The following SUN1 variants were observed in gnomAD, a reference collection of about 807,000 sequenced individuals.
SUN1 encodes SUN domain-containing protein 1.
In SUN1, 61 loss-of-function variants were observed where a neutral mutation model predicts 103.2. The observed-to-expected ratio is 0.59, with a 90% CI of 0.48 to 0.73. The LOEUF (loss-of-function observed/expected upper bound fraction) is 0.73. SUN1 is among the 30% of genes least tolerant of loss of function. The pLI, the probability that SUN1 is intolerant of heterozygous loss-of-function variation, is 0.00. For synonymous variants in SUN1, 490 were observed against 425.7 expected (o/e 1.15, Z -1.86); for missense variants, 1,052 against 1,034.6 (o/e 1.02, Z -0.23).
At chr7:854,042 T>C (rs1381141127) in intron 10 of SUN1, among the ~76,000 whole-genome samples, 1 of 152,102 alleles carries the variant, frequency 6.6e-6, no homozygotes, top group African/African-American at 2.4e-5. Context: ...CCTGAGATGC[T>C]CCCACCCACT....
chr7:874,009 C>G lies in SUN1; in HGVS notation c.*678C>G, dbSNP rs1022259899. The stretch of plus-strand genomic sequence containing the variant: ...CTGAAGTCAGTCTGACTTGAAGGGG[C>G]CTGGTTTGGATCTAAGCAAACACCC... On this transcript the variant is annotated 3_prime_UTR_variant, in exon 19 of 19. Transcript: ENST00000401592. 1.3e-5 allele frequency: 2 copies of G among 152,194 alleles called. No homozygotes were observed. Among genetic ancestry groups the G allele is most frequent in the African/African-American group, 4.8e-5 (2 of 41,442 alleles). The allele number at this position is 152,194 out of a possible 1,614,324, so 9.4% of individuals were successfully genotyped here. A position where few individuals can be genotyped will look rare whatever the true frequency, so the allele number is the denominator to read the frequency against.
upstream of SUN1, among the ~76,000 whole-genome samples, chr7:828,383 T>C (rs1012034829): frequency 6.6e-6 from 1 of 152,034 alleles, no homozygotes; most frequent in African/African-American, 2.4e-5. Context: ...TCAGTTCTCC[T>C]GCCTCAGCCT....
intron 1 of SUN1, among the ~76,000 whole-genome samples, chr7:818,958 G>T (rs1435224691): frequency 6.6e-6 from 1 of 151,580 alleles, no homozygotes; most frequent in East Asian, 1.9e-4. Flanking sequence ...CCGCCTCCCG[G>T]GCTCAAGCGA....
intron 2 of SUN1, 21 bp from the exon 3 acceptor site, chr7:841,925 G>A (rs1244906755): frequency 1.2e-6 from 2 of 1,611,724 alleles, no homozygotes; most frequent in African/African-American, 2.7e-5. Context: ...CTATAAACTT[G>A]CTGTTTTTTT....
intron 12 of SUN1, among the ~76,000 whole-genome samples, chr7:857,136 C>G (rs898156132): frequency 3.3e-5 from 5 of 152,230 alleles, no homozygotes; most frequent in Middle Eastern, 3.4e-3. Flanking sequence ...GCACGCAGCT[C>G]GTATTCCCCA....
At chr7:838,139 A>C (rs1161048350) in intron 1 of SUN1, among the ~76,000 whole-genome samples, 1 of 152,174 alleles carries the variant, frequency 6.6e-6, no homozygotes, top group African/African-American at 2.4e-5. Context: ...TGCAGCCTCA[A>C]ACTCCCAGGC....
At position 843,133 on chromosome 7, in the gene SUN1, A is replaced by G. The variant is rs1052259351; in HGVS notation, c.452-73A>G. ...ACCATTGTAACCTTTACATTTTTTA[A>G]TGGGTTTTGTTCTTATTTGATAAGC... On this transcript the variant is annotated intron_variant, in intron 3 of 18. Coordinates refer to ENST00000401592, the MANE Select transcript of SUN1 (RefSeq NM_001130965.3). The G allele has an allele frequency of 3.8e-6, 6 of 1,583,450 alleles. No individual in the cohort carries two copies. In the African/African-American group the frequency reaches 6.9e-5, roughly 18 times the overall value.
intron 11 of SUN1, 146 bp downstream of exon 11, chr7:855,152 C>CT: frequency 1.5e-6 from 1 of 659,738 alleles, no homozygotes; most frequent in Non-Finnish European, 2.5e-6. Flanking sequence ...CACTTGTTCT[C>CT]TGGTGTGGCA....
At chr7:817,852 A>G (rs1782280420) in intron 1 of SUN1, among the ~76,000 whole-genome samples, 3 of 151,938 alleles carry the variant, frequency 2.0e-5, no homozygotes, top group Admixed American at 6.6e-5. Flanking sequence ...TGGAAATACT[A>G]CTGTTTGGGC....
chr7:838,627 C>G (rs1330712698), intron 1 of SUN1, among the ~76,000 whole-genome samples, 171 bp from the exon 2 acceptor site: 1 of 152,210 alleles, frequency 6.6e-6, no homozygotes, highest in Admixed American at 6.5e-5. Flanking sequence ...GGAGCCCATG[C>G]TGGCTGACCT....
chr7:836,759 C>T (rs1473750058), intron 1 of SUN1, among the ~76,000 whole-genome samples: 1 of 152,170 alleles, frequency 6.6e-6, no homozygotes, highest in Non-Finnish European at 1.5e-5. Flanking sequence ...AATGTTGGAG[C>T]AAATATCTGA....
chr7:857,831 G>T lies in SUN1; in HGVS notation c.1398G>T (p.Ala466=). 6.3e-7 allele frequency: 1 copy of T among 1,578,944 alleles called. No homozygotes were observed. Among genetic ancestry groups the T allele is most frequent in the African/African-American group, 1.4e-5 (1 of 74,056 alleles). The change falls in exon 13 of 19, where the codon GCG becomes GCT. Residue 466 remains alanine (A), a synonymous_variant. Coordinates refer to ENST00000401592, the MANE Select transcript of SUN1 (RefSeq NM_001130965.3). ...LEQTKQKTIS[A]VGEQLLPTVE... ...CATTCTCACTGTTGGATTCCAGTGC[G>T]GTTGGTGAGCAGCTCCTGCCCACAG...
At chr7:830,432 A>T (rs1796881841), upstream of SUN1, among the ~76,000 whole-genome samples, 1 of 152,344 alleles carries the variant, frequency 6.6e-6, no homozygotes, top group South Asian at 2.1e-4. Context: ...CCTCGTTTCA[A>T]AGTGTTAGGA....
upstream of SUN1, among the ~76,000 whole-genome samples, chr7:829,564 T>G (rs1326513214): frequency 2.6e-5 from 4 of 151,458 alleles, no homozygotes; most frequent in Non-Finnish European, 4.4e-5. Context: ...TTTTTTGTTT[T>G]TTTTTTTTGA....
chr7:853,645 C>A (rs1440233817), intron 10 of SUN1, 27 bp downstream of exon 10: 1 of 1,595,076 alleles, frequency 6.3e-7, no homozygotes, highest in Non-Finnish European at 8.5e-7. Flanking sequence ...TACCAGGCTC[C>A]ATGGTGACAC....
At chr7:828,338 G>C (rs1489762192), upstream of SUN1, among the ~76,000 whole-genome samples, 4 of 151,730 alleles carry the variant, frequency 2.6e-5, no homozygotes, top group South Asian at 4.2e-4. Flanking sequence ...GTGGTGCTGT[G>C]TTGGCTCACT....
In SUN1 at chr7:846,104, TTTTG is replaced by T. The variant is rs559257848; in HGVS notation, c.658+2600_658+2603del. ...TATTCTTTTTGATGCCTGTACAGTT[TTTTG>T]TTTGTTTGTTTGTTTTTTGAGATGC... On this transcript the variant is annotated intron_variant, in intron 5 of 18. Transcript: ENST00000401592. 6.2e-4 allele frequency among the ~76,000 whole-genome samples: 95 copies of T among 152,196 alleles called. 2 individuals carry two copies. Among genetic ancestry groups the T allele is most frequent in the Admixed American group, 1.9e-3 (29 of 15,286 alleles).
intron 5 of SUN1, 97 bp downstream of exon 5, chr7:843,617 G>A (rs1262782999): frequency 6.2e-7 from 1 of 1,605,742 alleles, no homozygotes; most frequent in African/African-American, 1.3e-5. Flanking sequence ...TTGTCTTGGA[G>A]ACTTAAAATT....
rs1046444943 is a variant in SUN1, at chr7:817,405, T to C, written c.-74+732T>C. Reference sequence around the variant, plus strand: ...TGCGCCTTCAAAGTGCCCAGAATGGTGTCTGGTGCAAAATAAGCAGCGGCG... The same window carrying C: ...TGCGCCTTCAAAGTGCCCAGAATGGCGTCTGGTGCAAAATAAGCAGCGGCG... On this transcript the variant is annotated intron_variant, in intron 1 of 17. Coordinates refer to the SUN1 transcript ENST00000389574. 9 of 1,534,718 alleles carry C rather than the reference T, an allele frequency of 5.9e-6. No homozygotes were observed. The East Asian group carries it at 2.2e-4, about 38-fold the overall frequency.
Sources: gnomAD v4.1 joint callset for allele counts (sites outside exome capture counted in the v4.1 genomes callset) on GRCh38, gnomAD v4.1.1 for gene constraint, MANE v1.5 for transcripts, NCBI Gene and HGNC (gene_info 2026-07-23, HGNC 2026-07-21) for gene names.